Variants in SLX4IP observed in about 807,000 individuals in gnomAD.
SLX4IP encodes the protein protein SLX4IP.
In SLX4IP, 34 loss-of-function variants were observed where a neutral mutation model predicts 32.9. That is an observed-to-expected ratio of 1.03 (90% CI 0.79 to 1.38). The LOEUF (loss-of-function observed/expected upper bound fraction) is 1.38, where lower values mean the gene tolerates loss of function less well. Ranked by LOEUF, SLX4IP falls within the 40% of genes most tolerant of loss-of-function variation. The probability of loss-of-function intolerance (pLI) is 0.00; values close to 1 mark genes in which losing one functional copy is unlikely to be tolerated. For synonymous variants in SLX4IP, 172 were observed against 171.7 expected (o/e 1.00, Z -0.01); for missense variants, 444 against 479.0 (o/e 0.93, Z 0.68).
intron 4 of SLX4IP, among the ~76,000 whole-genome samples, chr20:10,561,087 G>GT (rs753222703): frequency 2.0e-5 from 3 of 152,140 alleles, no homozygotes; most frequent in South Asian, 2.1e-4. Flanking sequence ...TATTTTTAAG[G>GT]TTTTTTTATT....
At chr20:10,528,027 C>A (rs1308547903) in intron 2 of SLX4IP, among the ~76,000 whole-genome samples, 4 of 152,086 alleles carry the variant, frequency 2.6e-5, no homozygotes, top group Non-Finnish European at 5.9e-5. Flanking sequence ...TTGCGTGTTT[C>A]AATTTTTTAA....
At chr20:10,566,988 T>C (rs1437918880) in intron 4 of SLX4IP, among the ~76,000 whole-genome samples, 2 of 152,210 alleles carry the variant, frequency 1.3e-5, no homozygotes, top group Non-Finnish European at 2.9e-5. Context: ...ATCACTGGCC[T>C]ATCTCCCTAT....
intron 4 of SLX4IP, 31 bp from the exon 5 acceptor site, chr20:10,598,639 AAACTT>A (rs1166201346): frequency 3.1e-6 from 5 of 1,598,328 alleles, no homozygotes; most frequent in Non-Finnish European, 4.3e-6. Context: ...AGCGGCAAAC[AAACTT>A]AACTTAGTGA....
chr20:10,614,143 C>G (rs1291253213), intron 6 of SLX4IP: 4 of 1,189,162 alleles, frequency 3.4e-6, no homozygotes, highest in Non-Finnish European at 4.9e-6. Context: ...CCATCGGAGG[C>G]CTCGCGTTGC....
intron 2 of SLX4IP, among the ~76,000 whole-genome samples, chr20:10,466,113 TAAA>T (rs1429709100): frequency 1.3e-5 from 2 of 152,078 alleles, no homozygotes; most frequent in Non-Finnish European, 2.9e-5. Context: ...TTTAGTAAAA[TAAA>T]AAAGAAATCC....
At chr20:10,478,804 T>G (rs1423178014) in intron 2 of SLX4IP, among the ~76,000 whole-genome samples, 1 of 152,186 alleles carries the variant, frequency 6.6e-6, no homozygotes, top group African/African-American at 2.4e-5. Context: ...TTGTAAAAGC[T>G]TAATGAATCT....
intron 4 of SLX4IP, among the ~76,000 whole-genome samples, chr20:10,583,071 A>T (rs1364360529): frequency 6.6e-6 from 1 of 152,268 alleles, no homozygotes; most frequent in African/African-American, 2.4e-5. Flanking sequence ...CATATAATGA[A>T]CCCCCACTTA....
chr20:10,601,515 T>C (rs2066841403), intron 5 of SLX4IP, among the ~76,000 whole-genome samples: 1 of 152,176 alleles, frequency 6.6e-6, no homozygotes, highest in Non-Finnish European at 1.5e-5. Context: ...GGGGCGCAGG[T>C]GGACCAATTT....
At chr20:10,523,718 G>A (rs1248112939) in intron 2 of SLX4IP, among the ~76,000 whole-genome samples, 3 of 152,228 alleles carry the variant, frequency 2.0e-5, no homozygotes, top group Non-Finnish European at 2.9e-5. Flanking sequence ...GAGATGATAC[G>A]TCAGAACTGT....
chr20:10,478,883 G>T (rs1342212026), intron 2 of SLX4IP, among the ~76,000 whole-genome samples: 1 of 152,232 alleles, frequency 6.6e-6, no homozygotes, highest in African/African-American at 2.4e-5. Flanking sequence ...AGCTCCTTTG[G>T]CTTACCAAGT....
intron 2 of SLX4IP, among the ~76,000 whole-genome samples, chr20:10,537,859 A>C (rs2066062525): frequency 6.6e-6 from 1 of 152,170 alleles, no homozygotes; most frequent in African/African-American, 2.4e-5. Flanking sequence ...CCTATTTTTT[A>C]GATGTTGTCT....
chr20:10,594,890 G>A (rs2066751645), intron 4 of SLX4IP, among the ~76,000 whole-genome samples: 3 of 151,938 alleles, frequency 2.0e-5, no homozygotes, highest in Admixed American at 2.0e-4. Flanking sequence ...ATGCATTACT[G>A]ACCACCTCTC....
intron 4 of SLX4IP, among the ~76,000 whole-genome samples, chr20:10,564,294 G>A (rs1191385166): frequency 6.6e-6 from 1 of 152,132 alleles, no homozygotes; most frequent in Non-Finnish European, 1.5e-5. Context: ...TCAAAACCAA[G>A]TTCAAAACCA....
chr20:10,541,081 T>G (rs1340005615), intron 2 of SLX4IP, among the ~76,000 whole-genome samples: 3 of 152,244 alleles, frequency 2.0e-5, no homozygotes, highest in Non-Finnish European at 4.4e-5. Context: ...TTGAATTTTG[T>G]TTTCTCATTT....
chr20:10,502,771 CT>C (rs76917011), intron 2 of SLX4IP, among the ~76,000 whole-genome samples: 4,830 of 146,932 alleles, frequency 0.033, 210 homozygotes, highest in East Asian at 0.19. Context: ...AAATAGTTTC[CT>C]TTTTTTTTTT....
intron 2 of SLX4IP, among the ~76,000 whole-genome samples, chr20:10,519,331 A>G (rs900416726): frequency 2.0e-5 from 3 of 152,042 alleles, no homozygotes; most frequent in Non-Finnish European, 2.9e-5. Context: ...TCACCCCCCC[A>G]AAAAGAAACC....
intron 2 of SLX4IP, among the ~76,000 whole-genome samples, chr20:10,467,400 C>T (rs1444639714): frequency 6.6e-6 from 1 of 152,136 alleles, no homozygotes; most frequent in Non-Finnish European, 1.5e-5. Flanking sequence ...GAGTGTGCAA[C>T]CTTTGTCCCG....
intron 6 of SLX4IP, chr20:10,613,847 T>C (rs1212826785): frequency 8.1e-6 from 13 of 1,603,272 alleles, no homozygotes; most frequent in African/African-American, 1.3e-5. Context: ...CCAGCTCTTC[T>C]TCCAAACCTT....
chr20:10,621,563 T>G, intron 7 of SLX4IP, 149 bp downstream of exon 7: 1 of 683,876 alleles, frequency 1.5e-6, no homozygotes, highest in Non-Finnish European at 2.6e-6. Context: ...CCTGACTCTC[T>G]TGCTTTCTGG....
Sources: gnomAD v4.1 joint callset for allele counts (sites outside exome capture counted in the v4.1 genomes callset) on GRCh38, gnomAD v4.1.1 for gene constraint, MANE v1.5 for transcripts, NCBI Gene and HGNC (gene_info 2026-07-23, HGNC 2026-07-21) for gene names.